The following GCSAML variants were observed in gnomAD, a reference collection of about 807,000 sequenced individuals.
GCSAML encodes the protein germinal center associated signaling and motility like.
A neutral mutation model predicts 13.0 loss-of-function variants in GCSAML; 9 were observed. That is an observed-to-expected ratio of 0.69 (90% CI 0.42 to 1.21). The LOEUF is 1.21. Ranked by LOEUF, GCSAML falls within the 50% of genes most tolerant of loss-of-function variation. The pLI, the probability that GCSAML is intolerant of heterozygous loss-of-function variation, is 0.00. For synonymous variants in GCSAML, 37 were observed against 52.9 expected (o/e 0.70, Z 1.31); for missense variants, 143 against 153.4 (o/e 0.93, Z 0.36).
chr1:247,575,882 T>G lies in GCSAML; in HGVS notation c.*1500T>G, dbSNP rs540094125. 1 of 152,348 alleles carries G rather than the reference T, an allele frequency of 6.6e-6. No homozygotes were observed. Among genetic ancestry groups the G allele is most frequent in the African/African-American group, 2.4e-5 (1 of 41,584 alleles). The allele number at this position is 152,348 out of a possible 1,614,324, so 9.4% of individuals were successfully genotyped here. A position where few individuals can be genotyped will look rare whatever the true frequency, so the allele number is the denominator to read the frequency against. ...ATGCTTTCTTTCCCAAGAAGTTTTTTAATGATATGCCAGCTTCCTAATTTG... is the reference window on the plus strand; with the variant it reads ...ATGCTTTCTTTCCCAAGAAGTTTTTGAATGATATGCCAGCTTCCTAATTTG... On this transcript the variant is annotated 3_prime_UTR_variant, in exon 5 of 5. Transcript: ENST00000366488.
intron 2 of GCSAML, chr1:247,533,385 G>A (rs537162379): frequency 6.6e-6 from 1 of 152,162 alleles, no homozygotes; most frequent in South Asian, 2.1e-4. Context: ...CTTCCCCAAG[G>A]TGACACATAG....
At chr1:247,564,133 C>T (rs532796775) in intron 3 of GCSAML, among the ~76,000 whole-genome samples, 1 of 152,066 alleles carries the variant, frequency 6.6e-6, no homozygotes, top group Non-Finnish European at 1.5e-5. Flanking sequence ...AGGGTTTCAC[C>T]ATGTTGGCCA....
At position 247,526,554 on chromosome 1, in the gene GCSAML, T is replaced by C. The variant is rs1473046658; in HGVS notation, c.-262-386T>C. ...CTTCAGGAAGTGTGTCTCCACTGGC[T>C]TACATCCCCACAGTCAATGTGGCCT... On this transcript the variant is annotated intron_variant, in intron 1 of 5. Coordinates refer to the GCSAML transcript ENST00000366489. The surrounding 1 kb of genome is among the most constrained non-coding windows in gnomAD (Gnocchi z 4.8). 6.0e-6 allele frequency: 1 copy of C among 166,152 alleles called. No individual in the cohort carries two copies. Among genetic ancestry groups the C allele is most frequent in the African/African-American group, 2.4e-5 (1 of 41,634 alleles). The allele number at this position is 166,152 out of a possible 1,614,324, so 10.3% of individuals were successfully genotyped here.
At chr1:247,540,778 A>C (rs1227736540) in intron 2 of GCSAML, among the ~76,000 whole-genome samples, 7 of 152,078 alleles carry the variant, frequency 4.6e-5, no homozygotes, top group Admixed American at 4.6e-4. Flanking sequence ...ATAAGACTGC[A>C]CTCCGGGTTT....
At chr1:247,521,452 C>T (rs189395198) in intron 1 of GCSAML, among the ~76,000 whole-genome samples, 134 of 152,188 alleles carry the variant, frequency 8.8e-4, no homozygotes, top group Admixed American at 3.4e-3. Flanking sequence ...ACTGTACTGC[C>T]GCCATCTTGG....
At position 247,573,553 on chromosome 1, in the gene GCSAML, G is replaced by A. The variant is rs934793846; in HGVS notation, c.169-590G>A. 4.6e-5 allele frequency among the ~76,000 whole-genome samples: 7 copies of A among 152,238 alleles called. 1 individual carries two copies. In the South Asian group the frequency reaches 1.5e-3, roughly 32 times the overall value. ...AACCAGTCCCAATGAGATGAACTGG[G>A]TACCTCAGTTGGAAATGCAGAAATC... On this transcript the variant is annotated intron_variant, in intron 4 of 4. Transcript: ENST00000366488.
intron 2 of GCSAML, among the ~76,000 whole-genome samples, chr1:247,558,770 T>A (rs1159767693): frequency 2.0e-5 from 3 of 152,226 alleles, no homozygotes; most frequent in Non-Finnish European, 4.4e-5. Flanking sequence ...TTTACCTGTA[T>A]CCTATGTGTA....
chr1:247,541,252 G>A (rs534777931), intron 2 of GCSAML, among the ~76,000 whole-genome samples: 23 of 152,108 alleles, frequency 1.5e-4, no homozygotes, highest in African/African-American at 5.1e-4. Flanking sequence ...GCAATGCATT[G>A]CTTATAATTA....
chr1:247,560,553 A>G (rs1055335726), intron 2 of GCSAML, among the ~76,000 whole-genome samples: 1 of 151,726 alleles, frequency 6.6e-6, no homozygotes, highest in East Asian at 1.9e-4. Flanking sequence ...CCACCCCCAA[A>G]CATGTATTAT....
intron 2 of GCSAML, chr1:247,532,633 T>C (rs1316003328): frequency 1.0e-6 from 1 of 970,988 alleles, no homozygotes; most frequent in African/African-American, 1.6e-5. Context: ...TCATTTTATG[T>C]TATTCTTTTT....
chr1:247,532,536 G>T (rs780030916), intron 2 of GCSAML: 2 of 1,604,476 alleles, frequency 1.2e-6, no homozygotes, highest in East Asian at 2.2e-5. Flanking sequence ...GGGGCAAAAG[G>T]CCACCTGTGG....
chr1:247,525,499 T>G (rs538542159), intron 1 of GCSAML: 17 of 152,370 alleles, frequency 1.1e-4, no homozygotes, highest in African/African-American at 3.8e-4. Context: ...TGGAGGCATC[T>G]ACATTTAGCA....
rs973739588 is a variant in GCSAML at position 247,526,300 on chromosome 1, A to G, written c.-262-640A>G. ...TTTTAAAGTTTATATTTTTTACTCT[A>G]TCTGGCTCATAATACCTGACCTAAA... is the stretch of plus-strand genomic sequence containing the variant. On this transcript the variant is annotated intron_variant, in intron 1 of 5. Coordinates refer to the GCSAML transcript ENST00000366489. The surrounding 1 kb of genome is among the most constrained non-coding windows in gnomAD (Gnocchi z 4.8). 8 of 152,160 alleles carry G rather than the reference A, an allele frequency of 5.3e-5. No individual in the cohort carries two copies. Among genetic ancestry groups the G allele is most frequent in the Non-Finnish European group, 8.8e-5 (6 of 68,028 alleles). 9.4% of individuals were successfully genotyped at this position (152,160 alleles called of 1,614,324 possible). A position where few individuals can be genotyped will look rare whatever the true frequency, so the allele number is the denominator to read the frequency against.
At chr1:247,549,117 C>T (rs1667680126), upstream of GCSAML, 1 of 1,613,884 alleles carries the variant, frequency 6.2e-7, no homozygotes, top group East Asian at 2.2e-5. Flanking sequence ...ATGCATTTTC[C>T]TCTTGGTGCT....
chr1:247,531,838 G>GC, intron 2 of GCSAML: 1 of 1,614,152 alleles, frequency 6.2e-7, no homozygotes, highest in Non-Finnish European at 8.5e-7. Flanking sequence ...CTTCAACACG[G>GC]CCCGGGCAAT....
chr1:247,567,500 C>T (rs964649376), intron 4 of GCSAML, among the ~76,000 whole-genome samples: 4 of 152,090 alleles, frequency 2.6e-5, no homozygotes, highest in African/African-American at 9.7e-5. Flanking sequence ...CTGCAAAGAC[C>T]ATAAACTTAT....
At chr1:247,522,382 C>T (rs1666482618) in intron 1 of GCSAML, among the ~76,000 whole-genome samples, 1 of 151,780 alleles carries the variant, frequency 6.6e-6, no homozygotes, top group Non-Finnish European at 1.5e-5. Flanking sequence ...GTGAGGAGCC[C>T]CTCTGCCCGG....
At chr1:247,540,557 T>A (rs1667378121) in intron 2 of GCSAML, among the ~76,000 whole-genome samples, 1 of 152,252 alleles carries the variant, frequency 6.6e-6, no homozygotes, top group Non-Finnish European at 1.5e-5. Flanking sequence ...ATGAAGGCAG[T>A]GGTGTCTACT....
intron 1 of GCSAML, among the ~76,000 whole-genome samples, chr1:247,550,724 G>C (rs1329168565): frequency 1.3e-5 from 2 of 152,188 alleles, no homozygotes; most frequent in Non-Finnish European, 2.9e-5. Flanking sequence ...AGTCTGGGCA[G>C]TAGATGGAGG....
Sources: gnomAD v4.1 joint callset for allele counts (sites outside exome capture counted in the v4.1 genomes callset) on GRCh38, gnomAD v4.1.1 for gene constraint, Gnocchi (gnomAD v3.1) non-coding constraint, MANE v1.5 for transcripts, NCBI Gene and HGNC (gene_info 2026-07-23, HGNC 2026-07-21) for gene names.